Variants in NXPH1 observed in about 807,000 individuals in gnomAD.
The protein encoded by NXPH1 is neurexophilin 1.
NXPH1 carries 5 observed loss-of-function variants against 23.7 expected under a neutral mutation model. The ratio of observed to expected loss-of-function variants is 0.21; its 90% CI spans 0.11 to 0.44. The LOEUF (loss-of-function observed/expected upper bound fraction) is 0.44, where lower values mean the gene tolerates loss of function less well. Among genes scored for constraint, NXPH1 ranks in the 20% least tolerant of loss-of-function variants. The pLI is 0.99. For missense variants in NXPH1, 324 were observed against 321.6 expected (o/e 1.01, Z -0.06); for synonymous variants, 144 against 122.2 (o/e 1.18, Z -1.18).
intron 2 of NXPH1, among the ~76,000 whole-genome samples, chr7:8,617,638 A>C (rs139351094): frequency 3.2e-3 from 484 of 152,222 alleles, no homozygotes; most frequent in African/African-American, 0.011. Context: ...AGAGAGTAGA[A>C]TGGATCAGAG....
chr7:8,496,463 T>C (rs1314236588), intron 2 of NXPH1, among the ~76,000 whole-genome samples: 1 of 152,070 alleles, frequency 6.6e-6, no homozygotes, highest in Non-Finnish European at 1.5e-5. Flanking sequence ...TTTACAGCAA[T>C]AGTAATTGCA....
rs560984405 is a variant in NXPH1 at position 8,733,929 on chromosome 7, G to A, written c.55-17079G>A. The stretch of plus-strand genomic sequence containing the variant: ...GGCTTTTGTTGCCATTGCTTTTAGT[G>A]CTTTAGTCATGAAGGCTTTGCCATG... On this transcript the variant is annotated intron_variant, in intron 2 of 2. Transcript: ENST00000405863. 3.9e-5 allele frequency among the ~76,000 whole-genome samples: 6 copies of A among 152,244 alleles called. No individual in the cohort carries two copies. The South Asian group carries it at 8.3e-4, about 21-fold the overall frequency.
At chr7:8,695,444 A>G (rs1821293117) in intron 2 of NXPH1, among the ~76,000 whole-genome samples, 1 of 152,182 alleles carries the variant, frequency 6.6e-6, no homozygotes, top group Non-Finnish European at 1.5e-5. Flanking sequence ...CCTAGATGTC[A>G]TCATAACTTT....
At chr7:8,746,208 G>T (rs1780467490) in intron 2 of NXPH1, among the ~76,000 whole-genome samples, 1 of 146,718 alleles carries the variant, frequency 6.8e-6, no homozygotes, top group Admixed American at 6.9e-5. Context: ...AACAGCTCTG[G>T]GGACTTTGCT....
chr7:8,500,640 G>A (rs975319583), intron 2 of NXPH1, among the ~76,000 whole-genome samples: 2 of 152,078 alleles, frequency 1.3e-5, no homozygotes, highest in Non-Finnish European at 1.5e-5. Flanking sequence ...GGGTTTGCCT[G>A]CTTCTGTCAT....
At chr7:8,444,486 C>G (rs1047016076) in intron 2 of NXPH1, among the ~76,000 whole-genome samples, 4 of 152,210 alleles carry the variant, frequency 2.6e-5, no homozygotes, top group African/African-American at 9.6e-5. Context: ...TGCTGGATTA[C>G]AAGCCTATTC....
intron 2 of NXPH1, among the ~76,000 whole-genome samples, chr7:8,536,391 T>C (rs761556781): frequency 6.6e-6 from 1 of 151,998 alleles, no homozygotes; most frequent in Non-Finnish European, 1.5e-5. Flanking sequence ...TTGCATTGTG[T>C]AGCTAGCAAT....
At chr7:8,437,843 A>C (rs950884037) in intron 2 of NXPH1, among the ~76,000 whole-genome samples, 1 of 152,266 alleles carries the variant, frequency 6.6e-6, no homozygotes, top group Non-Finnish European at 1.5e-5. Flanking sequence ...GCCTTTTGGC[A>C]ATACAGAGAA....
intron 2 of NXPH1, among the ~76,000 whole-genome samples, chr7:8,465,715 A>G (rs1269414858): frequency 1.3e-5 from 2 of 152,222 alleles, no homozygotes; most frequent in African/African-American, 2.4e-5. Context: ...CCACTTAAAG[A>G]CAGTAGAATA....
At chr7:8,740,609 C>T (rs1224307548) in intron 2 of NXPH1, among the ~76,000 whole-genome samples, 1 of 152,180 alleles carries the variant, frequency 6.6e-6, no homozygotes, top group Non-Finnish European at 1.5e-5. Flanking sequence ...AGCCATGAAG[C>T]TCCTTTTCTG....
intron 2 of NXPH1, among the ~76,000 whole-genome samples, chr7:8,728,551 G>A (rs773588558): frequency 1.3e-5 from 2 of 152,102 alleles, no homozygotes; most frequent in Non-Finnish European, 1.5e-5. Flanking sequence ...AGCATGAAGG[G>A]TTGTTGAATT....
chr7:8,642,151 A>G (rs936587026), intron 2 of NXPH1, among the ~76,000 whole-genome samples: 6 of 152,188 alleles, frequency 3.9e-5, no homozygotes, highest in South Asian at 4.1e-4. Context: ...TTCCTTAAAA[A>G]GGGTGTTTTG....
At chr7:8,591,295 C>G (rs1819089008) in intron 2 of NXPH1, among the ~76,000 whole-genome samples, 1 of 151,978 alleles carries the variant, frequency 6.6e-6, no homozygotes, top group South Asian at 2.1e-4. Flanking sequence ...AGAGAAAGAG[C>G]AATTTACTCA....
At chr7:8,439,528 C>G (rs1360558464) in intron 2 of NXPH1, among the ~76,000 whole-genome samples, 1 of 152,236 alleles carries the variant, frequency 6.6e-6, no homozygotes, top group African/African-American at 2.4e-5. Flanking sequence ...ATCCACAGCT[C>G]TATTCTAATG....
intron 2 of NXPH1, among the ~76,000 whole-genome samples, chr7:8,617,513 G>T (rs1216534772): frequency 1.6e-4 from 25 of 152,072 alleles, no homozygotes; most frequent in Admixed American, 1.6e-3. Context: ...AACAACACAG[G>T]TGGAACTGGA....
At chr7:8,625,236 G>A (rs1373312145) in intron 2 of NXPH1, among the ~76,000 whole-genome samples, 1 of 152,068 alleles carries the variant, frequency 6.6e-6, no homozygotes, top group Admixed American at 6.6e-5. Context: ...AATGTAACTT[G>A]ACTGAATAGT....
intron 2 of NXPH1, among the ~76,000 whole-genome samples, chr7:8,563,454 A>C (rs1818483360): frequency 6.6e-6 from 1 of 151,768 alleles, no homozygotes; most frequent in Non-Finnish European, 1.5e-5. Context: ...GTATTCCATT[A>C]CAGAAATATA....
chr7:8,576,119 T>C (rs936769096), intron 2 of NXPH1, among the ~76,000 whole-genome samples: 4 of 152,206 alleles, frequency 2.6e-5, no homozygotes, highest in Admixed American at 6.5e-5. Flanking sequence ...AAGAGAGATA[T>C]GCCTTTTATT....
At chr7:8,444,347 C>A (rs549118166) in intron 2 of NXPH1, among the ~76,000 whole-genome samples, 1 of 152,186 alleles carries the variant, frequency 6.6e-6, no homozygotes, top group Non-Finnish European at 1.5e-5. Context: ...CGCAACGCCT[C>A]GGAGGTATTC....
Sources: gnomAD v4.1 joint callset for allele counts (sites outside exome capture counted in the v4.1 genomes callset) on GRCh38, gnomAD v4.1.1 for gene constraint, MANE v1.5 for transcripts, NCBI Gene and HGNC (gene_info 2026-07-23, HGNC 2026-07-21) for gene names.